SGCZ: variants seen among roughly 807,000 people sequenced by gnomAD.
The protein encoded by SGCZ is sarcoglycan zeta.
A neutral mutation model predicts 41.3 loss-of-function variants in SGCZ; 40 were observed. The observed-to-expected ratio is 0.97, with a 90% CI of 0.75 to 1.26. The LOEUF (loss-of-function observed/expected upper bound fraction) is 1.26. Ranked by LOEUF, SGCZ falls within the 50% of genes most tolerant of loss-of-function variation. The probability of loss-of-function intolerance (pLI) is 0.00; values close to 1 mark genes in which losing one functional copy is unlikely to be tolerated. For synonymous variants in SGCZ, 206 were observed against 137.5 expected, an observed-to-expected ratio of 1.50 and a Z score of -3.49; for missense variants, 552 against 369.8, an observed-to-expected ratio of 1.49 and a Z score of -4.04.
chr8:14,668,511 G>T (rs1157941127), intron 1 of SGCZ, among the ~76,000 whole-genome samples: 2 of 152,122 alleles, frequency 1.3e-5, no homozygotes, highest in Non-Finnish European at 2.9e-5. Flanking sequence ...ACTCCACCAA[G>T]ATTTATAATC....
intron 2 of SGCZ, among the ~76,000 whole-genome samples, chr8:14,451,332 A>G (rs931102112): frequency 1.5e-4 from 23 of 152,220 alleles, no homozygotes; most frequent in African/African-American, 5.5e-4. Context: ...GAAAAGATGC[A>G]GTCTGTCATC....
chr8:14,994,513 G>C (rs71524139), intron 1 of SGCZ, among the ~76,000 whole-genome samples: 1 of 152,092 alleles, frequency 6.6e-6, no homozygotes, highest in Non-Finnish European at 1.5e-5. Flanking sequence ...GAACCCAGGA[G>C]GCGGCGGTTG....
chr8:14,310,503 C>CT (rs199862688), intron 3 of SGCZ, among the ~76,000 whole-genome samples: 2,251 of 151,916 alleles, frequency 0.015, 53 homozygotes, highest in African/African-American at 0.045. Context: ...GTTTTTGTAT[C>CT]TTTTTTTTAT....
intron 1 of SGCZ, among the ~76,000 whole-genome samples, chr8:15,222,892 G>A (rs993414114): frequency 2.0e-5 from 3 of 152,032 alleles, no homozygotes; most frequent in Non-Finnish European, 4.4e-5. Context: ...CAAATGGAAA[G>A]TAAATGTAAA....
intron 1 of SGCZ, among the ~76,000 whole-genome samples, chr8:15,015,072 T>A (rs767039171): frequency 2.0e-5 from 3 of 151,832 alleles, no homozygotes; most frequent in Non-Finnish European, 4.4e-5. Context: ...CGAAACTCCA[T>A]CTCTACTAAA....
intron 3 of SGCZ, among the ~76,000 whole-genome samples, chr8:14,278,735 C>A (rs183734457): frequency 6.6e-6 from 1 of 152,174 alleles, no homozygotes; most frequent in South Asian, 2.1e-4. Context: ...ATACCAAACA[C>A]TTAGGTTAAT....
At chr8:14,658,869 A>G (rs1428502549) in intron 1 of SGCZ, among the ~76,000 whole-genome samples, 1 of 152,054 alleles carries the variant, frequency 6.6e-6, no homozygotes, top group African/African-American at 2.4e-5. Flanking sequence ...AGGGAAGGAA[A>G]AAAAGAGAAA....
At chr8:15,066,101 G>A (rs375945964) in intron 1 of SGCZ, among the ~76,000 whole-genome samples, 3 of 151,942 alleles carry the variant, frequency 2.0e-5, no homozygotes, top group African/African-American at 7.2e-5. Context: ...GAGGTCAGGA[G>A]ATCGAGACCA....
intron 1 of SGCZ, among the ~76,000 whole-genome samples, chr8:14,815,659 A>G (rs7829831): frequency 0.032 from 4,836 of 152,300 alleles, 179 homozygotes; most frequent in African/African-American, 0.089. Context: ...CTACTATGTC[A>G]TTATCAAGGT....
At chr8:15,123,591 C>G (rs1476240943) in intron 1 of SGCZ, among the ~76,000 whole-genome samples, 1 of 152,140 alleles carries the variant, frequency 6.6e-6, no homozygotes, top group African/African-American at 2.4e-5. Flanking sequence ...TAGTTGATAG[C>G]AAGAACCTGG....
At chr8:14,740,307 G>A (rs112016383) in intron 1 of SGCZ, among the ~76,000 whole-genome samples, 93 of 151,798 alleles carry the variant, frequency 6.1e-4, no homozygotes, top group African/African-American at 2.1e-3. Context: ...ATCCTCAAGT[G>A]ACTTAACAGT....
chr8:14,566,989 C>T (rs1043374383), intron 1 of SGCZ, among the ~76,000 whole-genome samples: 2 of 152,202 alleles, frequency 1.3e-5, no homozygotes, highest in South Asian at 2.1e-4. Flanking sequence ...CCCGGGCCAG[C>T]AGCTGCGGAG....
chr8:14,336,004 A>T (rs1213269087), intron 2 of SGCZ, among the ~76,000 whole-genome samples: 2 of 152,044 alleles, frequency 1.3e-5, no homozygotes, highest in African/African-American at 4.8e-5. Flanking sequence ...TATACAGATT[A>T]TCTCCTCAAC....
chr8:14,571,796 G>C (rs7840957), intron 1 of SGCZ, among the ~76,000 whole-genome samples: 4,917 of 152,138 alleles, frequency 0.032, 223 homozygotes, highest in African/African-American at 0.11. Flanking sequence ...GAAGGAGTTT[G>C]ACCACATGCA....
In SGCZ at chr8:14,309,550, A is replaced by G. The variant is rs959955973; in HGVS notation, c.336+14553T>C. 20 of 1,610,502 alleles carry G rather than the reference A, an allele frequency of 1.2e-5. No homozygotes were observed. In the Admixed American group the frequency reaches 3.2e-4, roughly 26 times the overall value. On this transcript the variant is annotated intron_variant, in intron 3 of 7. Coordinates refer to ENST00000382080, the MANE Select transcript of SGCZ (RefSeq NM_139167.4). ...AATGTGAAAACAAAGAAGCTGTTAC[A>G]CATACAGGGACGGTATAACAAGGAA...
At chr8:14,094,013 CT>C (rs1219069903) in intron 7 of SGCZ, among the ~76,000 whole-genome samples, 4 of 151,962 alleles carry the variant, frequency 2.6e-5, no homozygotes, top group African/African-American at 9.7e-5. Context: ...TACATGATGC[CT>C]TTTCTTCACC....
intron 3 of SGCZ, among the ~76,000 whole-genome samples, chr8:14,295,344 C>G (rs1195704289): frequency 2.0e-5 from 3 of 152,060 alleles, no homozygotes; most frequent in Admixed American, 6.6e-5. Context: ...CAAAGGCTAC[C>G]TACTATATGA....
chr8:14,231,196 T>TGTGTGTGTGTGTGTGTGTGTGTGGGTG (rs1554483289), intron 4 of SGCZ, among the ~76,000 whole-genome samples: 1 of 101,352 alleles, frequency 9.9e-6, no homozygotes, highest in African/African-American at 3.8e-5. Flanking sequence ...TGTGTGTGTG[T>TGTGTGTGTGTGTGTGTGTGTGTGGGTG]AGTGGGGAGA....
chr8:14,320,230 G>A (rs999719529), intron 3 of SGCZ, among the ~76,000 whole-genome samples: 1 of 150,654 alleles, frequency 6.6e-6, no homozygotes, highest in East Asian at 2.0e-4. Context: ...AATATAATAT[G>A]ATAATGATAA....
Sources: allele counts gnomAD v4.1 joint callset (sites outside exome capture counted in the v4.1 genomes callset), GRCh38; gene constraint gnomAD v4.1.1; transcripts MANE v1.5; gene names NCBI Gene and HGNC (gene_info 2026-07-23, HGNC 2026-07-21).